AADAT: variants seen among roughly 807,000 people sequenced by gnomAD.
AADAT encodes kynurenine/alpha-aminoadipate aminotransferase, mitochondrial.
AADAT carries 25 observed loss-of-function variants against 56.2 expected under a neutral mutation model. The observed-to-expected ratio is 0.44, with a 90% CI of 0.32 to 0.62. The LOEUF (loss-of-function observed/expected upper bound fraction) is 0.62, where lower values mean the gene tolerates loss of function less well. Ranked by LOEUF, AADAT falls within the 20% of genes least tolerant of loss-of-function variation. The pLI is 0.04. For synonymous variants in AADAT, 173 were observed against 164.7 expected (o/e 1.05, Z -0.39); for missense variants, 387 against 510.5 (o/e 0.76, Z 2.33).
intron 10 of AADAT, among the ~76,000 whole-genome samples, 156 bp from the exon 11 acceptor site, chr4:170,064,981 G>A (rs1304476146): frequency 6.6e-6 from 1 of 152,022 alleles, no homozygotes; most frequent in East Asian, 1.9e-4. Flanking sequence ...CATTTTGTGA[G>A]CCTTCAAAAT....
chr4:170,092,701 C>T (rs1003167914), upstream of AADAT, among the ~76,000 whole-genome samples: 2 of 152,208 alleles, frequency 1.3e-5, no homozygotes, highest in African/African-American at 2.4e-5. Context: ...AGTTAATTAA[C>T]CTTTCTCTGT....
chr4:170,083,935 C>T (rs1732432758), intron 3 of AADAT, among the ~76,000 whole-genome samples: 1 of 152,150 alleles, frequency 6.6e-6, no homozygotes, highest in South Asian at 2.1e-4. Flanking sequence ...TCTGCACCTC[C>T]ATGTTTATTA....
At chr4:170,067,436 T>C in intron 8 of AADAT, 48 bp from the exon 9 acceptor site, 1 of 1,514,380 alleles carries the variant, frequency 6.6e-7, no homozygotes. Flanking sequence ...CCTGAAAATG[T>C]ACTTTTTGCC....
intron 5 of AADAT, among the ~76,000 whole-genome samples, chr4:170,072,004 T>C (rs1427731504): frequency 1.3e-5 from 2 of 152,118 alleles, no homozygotes; most frequent in African/African-American, 4.8e-5. Flanking sequence ...TGTGAAATGA[T>C]TTTTAGACAT....
At chr4:170,064,600 C>T (rs577674250) in intron 11 of AADAT, 119 bp downstream of exon 11, 2 of 743,652 alleles carry the variant, frequency 2.7e-6, no homozygotes, top group East Asian at 2.7e-5. Flanking sequence ...AATATTAGAA[C>T]ATTATGAGTT....
intron 10 of AADAT, among the ~76,000 whole-genome samples, 177 bp downstream of exon 10, chr4:170,066,237 C>T (rs2111149445): frequency 6.6e-6 from 1 of 151,940 alleles, no homozygotes; most frequent in South Asian, 2.1e-4. Context: ...ATAGGAAGGT[C>T]TGTGCCCAGG....
intron 3 of AADAT, among the ~76,000 whole-genome samples, chr4:170,086,607 T>A (rs1157991227): frequency 6.6e-6 from 1 of 152,186 alleles, no homozygotes; most frequent in Non-Finnish European, 1.5e-5. Flanking sequence ...ATTTCCTAAC[T>A]ATAGGCGGAA....
upstream of AADAT, among the ~76,000 whole-genome samples, chr4:170,093,613 T>C (rs1732932292): frequency 6.6e-6 from 1 of 152,050 alleles, no homozygotes; most frequent in Non-Finnish European, 1.5e-5. Flanking sequence ...AGAGGCAGAG[T>C]GTCTAGAGTC....
At chr4:170,080,253 C>G (rs1732230246) in intron 3 of AADAT, among the ~76,000 whole-genome samples, 1 of 152,146 alleles carries the variant, frequency 6.6e-6, no homozygotes, top group African/African-American at 2.4e-5. Flanking sequence ...TGAAAAAACT[C>G]TGAACAGATG....
chr4:170,079,398 G>C (rs2111191822), intron 3 of AADAT, among the ~76,000 whole-genome samples: 1 of 152,302 alleles, frequency 6.6e-6, no homozygotes, highest in East Asian at 1.9e-4. Flanking sequence ...TAGGAAGAGA[G>C]TGGGGAGGAG....
chr4:170,065,508 TG>T (rs1731413043), intron 10 of AADAT, among the ~76,000 whole-genome samples: 1 of 151,642 alleles, frequency 6.6e-6, no homozygotes, highest in Admixed American at 6.6e-5. Flanking sequence ...ATACTAATTC[TG>T]TTTTTTTTTT....
chr4:170,077,825 A>G (rs191548143), intron 4 of AADAT, among the ~76,000 whole-genome samples: 79 of 152,328 alleles, frequency 5.2e-4, no homozygotes, highest in Non-Finnish European at 9.6e-4. Flanking sequence ...ATTTGAGGAC[A>G]GTTTTCATGC....
intron 3 of AADAT, among the ~76,000 whole-genome samples, chr4:170,083,846 A>T (rs994536354): frequency 6.6e-6 from 1 of 152,196 alleles, no homozygotes; most frequent in African/African-American, 2.4e-5. Context: ...AAAAACTGAA[A>T]ATAGAACTAC....
intron 11 of AADAT, among the ~76,000 whole-genome samples, chr4:170,063,406 G>A (rs376890495): frequency 2.0e-5 from 3 of 152,172 alleles, no homozygotes; most frequent in Admixed American, 6.5e-5. Flanking sequence ...TTAGCGCCTC[G>A]CTTAGACATA....
chr4:170,089,516 A>T (rs1732731598), intron 1 of AADAT, 108 bp downstream of exon 1: 1 of 1,205,016 alleles, frequency 8.3e-7, no homozygotes, highest in Non-Finnish European at 1.2e-6. Context: ...GAGCGTGCAC[A>T]GGGGTACGCA....
chr4:170,084,137 A>G (rs535810273), intron 3 of AADAT, among the ~76,000 whole-genome samples: 1 of 152,320 alleles, frequency 6.6e-6, no homozygotes, highest in East Asian at 1.9e-4. Flanking sequence ...CCAAGTATAG[A>G]AACACAAATA....
chr4:170,066,707 G>A (rs1389109452), intron 9 of AADAT, among the ~76,000 whole-genome samples: 1 of 152,126 alleles, frequency 6.6e-6, no homozygotes, highest in African/African-American at 2.4e-5. Context: ...ATAAAGAGAA[G>A]TCCATTTCTA....
intron 4 of AADAT, among the ~76,000 whole-genome samples, chr4:170,075,396 G>A (rs1731982922): frequency 6.6e-6 from 1 of 152,070 alleles, no homozygotes; most frequent in South Asian, 2.1e-4. Flanking sequence ...GTGCAGTGGT[G>A]CAATTATGGC....
At position 170,071,574 on chromosome 4, in the gene AADAT, G is replaced by A. The variant is rs79040080; in HGVS notation, c.655-922C>T. Among the ~76,000 whole-genome samples the A allele has an allele frequency of 7.0e-3, 1,065 of 152,304 alleles. 7 individuals are homozygous for A. Among genetic ancestry groups the A allele is most frequent in the Non-Finnish European group, 0.012 (841 of 68,032 alleles). On this transcript the variant is annotated intron_variant, in intron 5 of 12. Transcript: ENST00000337664. Reference sequence around the variant, plus strand: ...ATTTGGGCTTTATTTTAACTGCAAGGAGAAACCACCGGAGGGCTGTAAACA... The same window carrying A: ...ATTTGGGCTTTATTTTAACTGCAAGAAGAAACCACCGGAGGGCTGTAAACA...
Sources: gnomAD v4.1 joint callset for allele counts (sites outside exome capture counted in the v4.1 genomes callset) on GRCh38, gnomAD v4.1.1 for gene constraint, MANE v1.5 for transcripts, NCBI Gene and HGNC (gene_info 2026-07-23, HGNC 2026-07-21) for gene names.